Variants in CDH4 observed in about 807,000 individuals in gnomAD.
CDH4 encodes the protein cadherin-4.
Under a neutral mutation model 86.0 loss-of-function variants are expected in CDH4, and 33 were observed. That is an observed-to-expected ratio of 0.38 (90% CI 0.29 to 0.51). The LOEUF (loss-of-function observed/expected upper bound fraction) is 0.51, where lower values mean the gene tolerates loss of function less well. Among genes scored for constraint, CDH4 ranks in the 20% least tolerant of loss-of-function variants. CDH4 has a pLI of 0.86. For synonymous variants in CDH4, 555 were observed against 549.4 expected, an observed-to-expected ratio of 1.01 and a Z score of -0.14; for missense variants, 1,114 against 1,307.4, an observed-to-expected ratio of 0.85 and a Z score of 2.28.
At chr20:61,725,264 G>C (rs186008853) in intron 2 of CDH4, among the ~76,000 whole-genome samples, 2 of 152,182 alleles carry the variant, frequency 1.3e-5, no homozygotes, top group African/African-American at 2.4e-5. Context: ...ACACCGCAGC[G>C]TAGGAAGGGC....
At chr20:61,526,382 G>A (rs1417429223) in intron 2 of CDH4, among the ~76,000 whole-genome samples, 2 of 152,136 alleles carry the variant, frequency 1.3e-5, no homozygotes, top group East Asian at 1.9e-4. Flanking sequence ...GAGGCAGCCC[G>A]CCCAGGTGAG....
Position 61,544,636 on chromosome 20 carries a change from A to C in CDH4, c.170-198927A>C, listed in dbSNP as rs1259604831. 6.6e-6 allele frequency among the ~76,000 whole-genome samples: 1 copy of C among 151,912 alleles called. No homozygotes were observed. Among genetic ancestry groups the C allele is most frequent in the Non-Finnish European group, 1.5e-5 (1 of 67,984 alleles). On this transcript the variant is annotated intron_variant, in intron 2 of 15. Coordinates refer to ENST00000614565, the MANE Select transcript of CDH4 (RefSeq NM_001794.5). The surrounding 1 kb of genome is among the most constrained non-coding windows in gnomAD (Gnocchi z 6.5). ...GGGCAGACAGGGCCCACCAGACCCC[A>C]CGCTGCTCTACTCCGCACCGGCCCC...
At chr20:61,827,963 C>T (rs1981401700) in intron 4 of CDH4, among the ~76,000 whole-genome samples, 1 of 152,146 alleles carries the variant, frequency 6.6e-6, no homozygotes. Context: ...CTTGAGGAAG[C>T]TAAGTAACCA....
At chr20:61,361,016 C>G (rs2084780465) in intron 2 of CDH4, among the ~76,000 whole-genome samples, 1 of 152,114 alleles carries the variant, frequency 6.6e-6, no homozygotes, top group African/African-American at 2.4e-5. Flanking sequence ...AAAGGGGATG[C>G]CCTTCAAGTT....
At chr20:61,580,494 A>C (rs2086417788) in intron 2 of CDH4, among the ~76,000 whole-genome samples, 1 of 152,100 alleles carries the variant, frequency 6.6e-6, no homozygotes, top group African/African-American at 2.4e-5. Context: ...TTTAAAAAAA[A>C]AATTGCATGT....
chr20:61,688,389 C>T (rs532545315), intron 2 of CDH4, among the ~76,000 whole-genome samples: 1 of 152,198 alleles, frequency 6.6e-6, no homozygotes, highest in Admixed American at 6.5e-5. Flanking sequence ...AAGGAACTTC[C>T]TTCTGAATGA....
chr20:61,888,620 C>T (rs1446692123), intron 7 of CDH4, among the ~76,000 whole-genome samples: 3 of 152,218 alleles, frequency 2.0e-5, no homozygotes, highest in Non-Finnish European at 4.4e-5. Flanking sequence ...AAGGCAGATC[C>T]TGACCCTGAG....
At chr20:61,782,231 C>G (rs1468473006) in intron 4 of CDH4, among the ~76,000 whole-genome samples, 1 of 152,162 alleles carries the variant, frequency 6.6e-6, no homozygotes, top group Non-Finnish European at 1.5e-5. Context: ...ATCGCTCGAA[C>G]CTGGGAGACA....
At chr20:61,768,075 G>A (rs1411484620) in intron 3 of CDH4, among the ~76,000 whole-genome samples, 2 of 152,194 alleles carry the variant, frequency 1.3e-5, no homozygotes, top group Non-Finnish European at 2.9e-5. Context: ...CCTCCTGGAC[G>A]CTGCTAGTTA....
At chr20:61,503,174 A>G (rs2085716909) in intron 2 of CDH4, among the ~76,000 whole-genome samples, 3 of 152,302 alleles carry the variant, frequency 2.0e-5, no homozygotes, top group Middle Eastern at 6.8e-3. Flanking sequence ...GGATGGAACA[A>G]CTGGCTCTAA....
At chr20:61,488,974 T>G (rs1205429563) in intron 2 of CDH4, among the ~76,000 whole-genome samples, 2 of 152,204 alleles carry the variant, frequency 1.3e-5, no homozygotes, top group African/African-American at 4.8e-5. Flanking sequence ...ATCCATCAGT[T>G]TGGAAAAATA....
intron 8 of CDH4, among the ~76,000 whole-genome samples, chr20:61,899,146 T>A (rs60307340): frequency 0.059 from 8,971 of 151,174 alleles, 479 homozygotes; most frequent in African/African-American, 0.15. Flanking sequence ...ATATATATTT[T>A]AAAAAAAAAT....
At chr20:61,345,065 TTTTTA>T in intron 2 of CDH4, among the ~76,000 whole-genome samples, 1 of 152,322 alleles carries the variant, frequency 6.6e-6, no homozygotes, top group East Asian at 1.9e-4. Flanking sequence ...GCAGAAGTGA[TTTTTA>T]TCTCGTTTGG....
intron 2 of CDH4, among the ~76,000 whole-genome samples, chr20:61,365,404 G>C (rs991581390): frequency 1.3e-5 from 2 of 152,156 alleles, no homozygotes; most frequent in African/African-American, 4.8e-5. Flanking sequence ...GAGGGACGGG[G>C]TGGAAACCTG....
chr20:61,792,638 C>CTGTGTGTGTGTGTGTGTGTG (rs139135636), intron 4 of CDH4, among the ~76,000 whole-genome samples: 1 of 150,668 alleles, frequency 6.6e-6, no homozygotes, highest in African/African-American at 2.4e-5. Flanking sequence ...TTAGATGATG[C>CTGTGTGTGTGTGTGTGTGTG]TGTGTGTGTG....
chr20:61,918,401 C>T (rs986391473), intron 9 of CDH4, among the ~76,000 whole-genome samples: 2 of 152,184 alleles, frequency 1.3e-5, no homozygotes, highest in Admixed American at 1.3e-4. Flanking sequence ...AGGGGGTGCC[C>T]ACTCCCTATA....
chr20:61,383,051 GAATATATATAATTCATATATATAT>G (rs2084913349), intron 2 of CDH4, among the ~76,000 whole-genome samples: 2 of 139,036 alleles, frequency 1.4e-5, no homozygotes, highest in African/African-American at 5.4e-5. Context: ...AGAACTAATG[GAATATATATAATTCATATATATAT>G]AATATATATA....
chr20:61,462,524 AT>A (rs1437907933), intron 2 of CDH4, among the ~76,000 whole-genome samples: 1 of 152,170 alleles, frequency 6.6e-6, no homozygotes, highest in Non-Finnish European at 1.5e-5. Context: ...AAATAACAAA[AT>A]ATCTTAAAAA....
intron 4 of CDH4, among the ~76,000 whole-genome samples, chr20:61,787,132 GTCCA>G (rs967274067): frequency 1.3e-5 from 2 of 151,792 alleles, no homozygotes; most frequent in Non-Finnish European, 2.9e-5. Flanking sequence ...CCGTCTGTCC[GTCCA>G]TCCATCCATC....
Sources: allele counts gnomAD v4.1 joint callset (sites outside exome capture counted in the v4.1 genomes callset), GRCh38; gene constraint gnomAD v4.1.1; non-coding constraint Gnocchi (gnomAD v3.1); transcripts MANE v1.5; gene names NCBI Gene and HGNC (gene_info 2026-07-23, HGNC 2026-07-21).